GRIK4: variants seen among roughly 807,000 people sequenced by gnomAD.
GRIK4 encodes glutamate ionotropic receptor kainate type subunit 4.
GRIK4 carries 40 observed loss-of-function variants against 104.9 expected under a neutral mutation model. The observed-to-expected ratio is 0.38, with a 90% CI of 0.30 to 0.50. The LOEUF is 0.50. Among genes scored for constraint, GRIK4 ranks in the 20% least tolerant of loss-of-function variants. The probability of loss-of-function intolerance (pLI) is 0.93; values close to 1 mark genes in which losing one functional copy is unlikely to be tolerated. For synonymous variants in GRIK4, 485 were observed against 524.9 expected, an observed-to-expected ratio of 0.92 and a Z score of 1.04; for missense variants, 1,047 against 1,308.1, an observed-to-expected ratio of 0.80 and a Z score of 3.08.
intron 13 of GRIK4, among the ~76,000 whole-genome samples, chr11:120,933,272 C>A (rs935358575): frequency 6.6e-6 from 1 of 152,236 alleles, no homozygotes; most frequent in Non-Finnish European, 1.5e-5. Flanking sequence ...GGTCTGCCTG[C>A]CTCCAAACAT....
chr11:120,702,063 G>A (rs117165966), intron 3 of GRIK4, among the ~76,000 whole-genome samples: 1 of 145,454 alleles, frequency 6.9e-6, no homozygotes, highest in Admixed American at 7.4e-5. Flanking sequence ...TCAAGCAATT[G>A]TCTTGCCTCA....
intron 4 of GRIK4, among the ~76,000 whole-genome samples, chr11:120,807,593 C>T (rs974859909): frequency 1.3e-5 from 2 of 152,172 alleles, no homozygotes; most frequent in Non-Finnish European, 2.9e-5. Context: ...TTCAGAGCTG[C>T]CTCTGAGAAG....
At chr11:120,830,853 ACCCCCACATCACCCCCAC>A (rs1322940741) in intron 6 of GRIK4, among the ~76,000 whole-genome samples, 1 of 150,900 alleles carries the variant, frequency 6.6e-6, no homozygotes. Flanking sequence ...TGCCTCCTGC[ACCCCCACATCACCCCCAC>A]CCCCCACATT....
intron 11 of GRIK4, among the ~76,000 whole-genome samples, chr11:120,891,990 G>A (rs559667743): frequency 1.8e-4 from 27 of 152,324 alleles, no homozygotes; most frequent in African/African-American, 6.5e-4. Flanking sequence ...CGAATGAATG[G>A]GCGAGGCTAC....
intron 3 of GRIK4, among the ~76,000 whole-genome samples, chr11:120,675,289 A>C (rs1950080629): frequency 1.3e-5 from 2 of 152,214 alleles, no homozygotes; most frequent in African/African-American, 4.8e-5. Context: ...GAGTTGCTGC[A>C]GTTGGCTTAT....
At chr11:120,591,726 G>C (rs1948736103) in intron 1 of GRIK4, among the ~76,000 whole-genome samples, 2 of 152,100 alleles carry the variant, frequency 1.3e-5, no homozygotes, top group African/African-American at 4.8e-5. Context: ...TTTGCCTATG[G>C]ATTGATGCTC....
At chr11:120,639,717 T>C (rs1257115416) in intron 1 of GRIK4, among the ~76,000 whole-genome samples, 1 of 152,218 alleles carries the variant, frequency 6.6e-6, no homozygotes, top group African/African-American at 2.4e-5. Flanking sequence ...TGTCTATCTG[T>C]CTCCAGGACC....
intron 1 of GRIK4, among the ~76,000 whole-genome samples, chr11:120,618,341 G>A (rs1949141586): frequency 6.6e-6 from 1 of 152,154 alleles, no homozygotes; most frequent in Non-Finnish European, 1.5e-5. Context: ...ATATGTATGG[G>A]CAAATAAATG....
chr11:120,721,502 GGGA>G (rs2135376303), intron 3 of GRIK4, among the ~76,000 whole-genome samples: 1 of 152,324 alleles, frequency 6.6e-6, no homozygotes, highest in South Asian at 2.1e-4. Context: ...GGAGCCACAT[GGGA>G]GGTCCTGGGA....
Position 120,611,515 on chromosome 11 carries a change from G to T in GRIK4, c.-158-42170G>T, listed in dbSNP as rs146382117. Among the ~76,000 whole-genome samples, 1,259 of 152,250 alleles carry T rather than the reference G, an allele frequency of 8.3e-3. 19 individuals carry two copies. Among genetic ancestry groups the T allele is most frequent in the African/African-American group, 0.029 (1,189 of 41,544 alleles). ...AGGCGCTCAAAAAATGGTGATAATGGTGTATCATAATTGTTACTGTTATCA... is the reference window on the plus strand; with the variant it reads ...AGGCGCTCAAAAAATGGTGATAATGTTGTATCATAATTGTTACTGTTATCA... On this transcript the variant is annotated intron_variant, in intron 1 of 20. Transcript: ENST00000527524.
intron 3 of GRIK4, among the ~76,000 whole-genome samples, chr11:120,775,135 T>C (rs774798052): frequency 3.3e-5 from 5 of 152,196 alleles, no homozygotes; most frequent in African/African-American, 9.7e-5. Flanking sequence ...CCTTGTAACA[T>C]GGCTCCTTCT....
At chr11:120,808,093 C>T (rs1382524391) in intron 4 of GRIK4, among the ~76,000 whole-genome samples, 1 of 151,810 alleles carries the variant, frequency 6.6e-6, no homozygotes, top group Admixed American at 6.6e-5. Flanking sequence ...AGGCTTAAGG[C>T]AGGAAAAAAA....
At position 120,940,263 on chromosome 11, in the gene GRIK4, TAGC is replaced by T; in HGVS notation, c.1477-81_1477-79del. The T allele has an allele frequency of 3.9e-6, 3 of 770,878 alleles. No individual in the cohort carries two copies. The highest frequency in any genetic ancestry group is 6.8e-6 in the Non-Finnish European group (3 of 442,328). 47.8% of individuals were successfully genotyped at this position (770,878 alleles called of 1,614,324 possible). The stretch of plus-strand genomic sequence containing the variant: ...AGCCAGACCAGCATCACATCTCCAA[TAGC>T]AGTGACGGTTGCTGGTCGCAAGTCT... On this transcript the variant is annotated intron_variant, in intron 13 of 20. Coordinates refer to ENST00000527524, the MANE Select transcript of GRIK4 (RefSeq NM_014619.5). The surrounding 1 kb of genome is among the most constrained non-coding windows in gnomAD (Gnocchi z 4.3).
chr11:120,831,909 C>A lies in GRIK4; in HGVS notation c.569C>A (p.Ser190Tyr). Reference protein sequence around the residue: ...RQFLISKDTLSVRMLDDTRDP... With the variant: ...RQFLISKDTLYVRMLDDTRDP... ...TTCCTTATCTCCAAGGACACGCTGT[C>A]CGTCCGCATGCTGGATGACACCCGG... The change falls in exon 7 of 21, where the codon TCC becomes TAC. Residue 190 changes from serine to tyrosine, a missense_variant. Around this residue, in one of 3 missense-constraint regions of GRIK4, gnomAD observed 447 missense variants for 514.9 expected, o/e 0.87. Coordinates refer to ENST00000527524, the MANE Select transcript of GRIK4 (RefSeq NM_014619.5). 5 of 1,613,982 alleles carry A rather than the reference C, an allele frequency of 3.1e-6. No individual in the cohort carries two copies. The highest frequency in any genetic ancestry group is 3.4e-6 in the Non-Finnish European group (4 of 1,179,916).
rs561793011 is a variant in GRIK4, at chr11:120,744,229, C to T, written c.83-58464C>T. On this transcript the variant is annotated intron_variant, in intron 3 of 20. Transcript: ENST00000527524. ...AGGCTGTTGGGTGTCTGTTAAAGCT[C>T]GGCTCCATCAGACTCTGCCGCAAAC... is the stretch of plus-strand genomic sequence containing the variant. Among the ~76,000 whole-genome samples the T allele has an allele frequency of 6.6e-5, 10 of 152,152 alleles. No individual in the cohort carries two copies. The South Asian group carries it at 1.2e-3, about 19-fold the overall frequency.
intron 3 of GRIK4, among the ~76,000 whole-genome samples, chr11:120,663,512 C>T (rs1319239434): frequency 5.9e-5 from 9 of 152,182 alleles, no homozygotes; most frequent in Admixed American, 5.9e-4. Context: ...ACAGTTTCCT[C>T]CATTCCTGTT....
In GRIK4 at chr11:120,986,681, A is replaced by C; in HGVS notation, c.*421A>C. Reference sequence around the variant, plus strand: ...GTTCTTACAGAAAAAAAAAAAATTAAACAGGGAAGTTTTTCTTTTCTGGAT... The same window carrying C: ...GTTCTTACAGAAAAAAAAAAAATTACACAGGGAAGTTTTTCTTTTCTGGAT... On this transcript the variant is annotated 3_prime_UTR_variant, in exon 21 of 21. Coordinates refer to ENST00000527524, the MANE Select transcript of GRIK4 (RefSeq NM_014619.5). 1 of 157,746 alleles carries C rather than the reference A, an allele frequency of 6.3e-6. No homozygotes were observed. Among genetic ancestry groups the C allele is most frequent in the Non-Finnish European group, 1.4e-5 (1 of 72,088 alleles). 9.8% of individuals were successfully genotyped at this position (157,746 alleles called of 1,614,324 possible).
chr11:120,653,231 C>T (rs982514807), intron 1 of GRIK4, among the ~76,000 whole-genome samples: 2 of 152,220 alleles, frequency 1.3e-5, no homozygotes, highest in Non-Finnish European at 2.9e-5. Flanking sequence ...AGCATGGAAC[C>T]AGGGGGCCAG....
At chr11:120,978,828 G>A (rs1018405152) in intron 19 of GRIK4, among the ~76,000 whole-genome samples, 2 of 152,070 alleles carry the variant, frequency 1.3e-5, no homozygotes, top group Admixed American at 6.6e-5. Flanking sequence ...AGATTGAGGA[G>A]ATTGGAAGAG....
Sources: gnomAD v4.1 joint callset for allele counts (sites outside exome capture counted in the v4.1 genomes callset) on GRCh38, gnomAD v4.1.1 for gene constraint, gnomAD v4.1.1 regional missense constraint, Gnocchi (gnomAD v3.1) non-coding constraint, MANE v1.5 for transcripts, NCBI Gene and HGNC (gene_info 2026-07-23, HGNC 2026-07-21) for gene names.